The following TMTC1 variants were observed in gnomAD, a reference collection of about 807,000 sequenced individuals.
TMTC1 encodes the protein protein O-mannosyl-transferase TMTC1.
TMTC1 carries 73 observed loss-of-function variants against 104.8 expected under a neutral mutation model. That is an observed-to-expected ratio of 0.70 (90% CI 0.58 to 0.85). TMTC1 has a LOEUF of 0.85. Among genes scored for constraint, TMTC1 ranks in the 40% least tolerant of loss-of-function variants. The pLI, the probability that TMTC1 is intolerant of heterozygous loss-of-function variation, is 0.00. For missense variants in TMTC1, 1,035 were observed against 1,096.1 expected, an observed-to-expected ratio of 0.94 and a Z score of 0.79; for synonymous variants, 434 against 428.7, an observed-to-expected ratio of 1.01 and a Z score of -0.15.
At chr12:29,582,442 C>T (rs1335579988) in intron 8 of TMTC1, among the ~76,000 whole-genome samples, 1 of 152,200 alleles carries the variant, frequency 6.6e-6, no homozygotes, top group African/African-American at 2.4e-5. Flanking sequence ...AAGGGGCAGG[C>T]ATGTGACTAA....
intron 5 of TMTC1, among the ~76,000 whole-genome samples, chr12:29,739,845 G>T (rs1249417945): frequency 6.6e-6 from 1 of 151,790 alleles, no homozygotes; most frequent in Non-Finnish European, 1.5e-5. Flanking sequence ...AATAGCTGCG[G>T]TTACAGGCAT....
chr12:29,536,650 T>C (rs7301491), intron 10 of TMTC1, among the ~76,000 whole-genome samples: 28,841 of 151,992 alleles, frequency 0.19, 3,122 homozygotes, highest in East Asian at 0.38. Context: ...GAGGAACAAT[T>C]TGGGGGAAAT....
At position 29,662,258 on chromosome 12, in the gene TMTC1, G is replaced by T. The variant is rs114933578; in HGVS notation, c.939-28922C>A. 3.5e-3 allele frequency among the ~76,000 whole-genome samples: 532 copies of T among 152,168 alleles called. 4 individuals are homozygous for T. Among genetic ancestry groups the T allele is most frequent in the African/African-American group, 0.012 (514 of 41,504 alleles). ...AAATTTGCATTAAAATCTGCATGAG[G>T]TCTCTTTACACAAAGGTAATGTTCT... On this transcript the variant is annotated intron_variant, in intron 5 of 17. Transcript: ENST00000539277.
At chr12:29,536,091 T>C (rs1215092689) in intron 11 of TMTC1, 118 bp downstream of exon 11, 8 of 710,470 alleles carry the variant, frequency 1.1e-5, no homozygotes, top group African/African-American at 1.8e-5. Context: ...GAAACTGACA[T>C]AGAGATTGGT....
intron 5 of TMTC1, among the ~76,000 whole-genome samples, chr12:29,719,482 T>A (rs1403160542): frequency 6.6e-6 from 1 of 152,210 alleles, no homozygotes; most frequent in Admixed American, 6.5e-5. Context: ...GGCTGGTTTG[T>A]GATTATACAT....
At position 29,506,868 on chromosome 12, in the gene TMTC1, ACTT is replaced by A; in HGVS notation, c.2624_2626del (p.Glu875del). 6.2e-7 allele frequency: 1 copy of A among 1,613,964 alleles called. No homozygotes were observed. The highest frequency in any genetic ancestry group is 8.5e-7 in the Non-Finnish European group (1 of 1,179,940). ...GTGCTATGTTTGATCCTTTTCTCGA[ACTT>A]CTTGTAATCGTTTTTCTAGGCGATC... On this transcript the variant is annotated inframe_deletion, in exon 18 of 18. Transcript: ENST00000539277.
intron 6 of TMTC1, among the ~76,000 whole-genome samples, chr12:29,604,813 GGAGA>G (rs1435942328): frequency 6.6e-6 from 1 of 152,180 alleles, no homozygotes; most frequent in African/African-American, 2.4e-5. Flanking sequence ...GGATGCCAAT[GGAGA>G]GAGAATCATT....
chr12:29,613,681 A>G (rs1447590495), intron 6 of TMTC1, among the ~76,000 whole-genome samples: 1 of 152,236 alleles, frequency 6.6e-6, no homozygotes, highest in African/African-American at 2.4e-5. Flanking sequence ...GAAATGGAAG[A>G]AAAAAGGAAA....
At chr12:29,598,959 T>C (rs1946483184) in intron 7 of TMTC1, among the ~76,000 whole-genome samples, 1 of 152,228 alleles carries the variant, frequency 6.6e-6, no homozygotes, top group Admixed American at 6.5e-5. Context: ...TCCCAAAATA[T>C]TGTTTCTGCC....
intron 11 of TMTC1, among the ~76,000 whole-genome samples, chr12:29,527,031 A>C (rs1944367593): frequency 6.6e-6 from 1 of 152,218 alleles, no homozygotes; most frequent in Admixed American, 6.5e-5. Flanking sequence ...AGGCCTCTGC[A>C]GAGTGTCTCA....
chr12:29,662,337 A>T (rs1940068689), intron 5 of TMTC1, among the ~76,000 whole-genome samples: 2 of 152,172 alleles, frequency 1.3e-5, no homozygotes, highest in South Asian at 4.2e-4. Context: ...TCTCACAAAG[A>T]AATGTCTATC....
intron 7 of TMTC1, among the ~76,000 whole-genome samples, chr12:29,592,453 A>G (rs2136358831): frequency 6.6e-6 from 1 of 152,258 alleles, no homozygotes; most frequent in East Asian, 1.9e-4. Flanking sequence ...AGGATTCTTT[A>G]TATATATTTC....
rs898621340 is a variant in TMTC1, at chr12:29,759,947, C to T, written c.481-1170G>A. Among the ~76,000 whole-genome samples, 4 of 152,146 alleles carry T rather than the reference C, an allele frequency of 2.6e-5. No homozygotes were observed. In the South Asian group the frequency reaches 8.3e-4, roughly 32 times the overall value. ...ATAAATACAGCTATGCATTCAATAACAACTTTCAGGTCAACAACGAGCCAC... is the reference window on the plus strand; with the variant it reads ...ATAAATACAGCTATGCATTCAATAATAACTTTCAGGTCAACAACGAGCCAC... On this transcript the variant is annotated intron_variant, in intron 2 of 17. Coordinates refer to ENST00000539277, the MANE Select transcript of TMTC1 (RefSeq NM_001193451.2).
intron 11 of TMTC1, among the ~76,000 whole-genome samples, chr12:29,525,578 A>G (rs556206053): frequency 6.8e-5 from 10 of 146,396 alleles, no homozygotes; most frequent in Non-Finnish European, 1.4e-4. Context: ...ACTGATCATG[A>G]AAAGCCTTTT....
chr12:29,501,286 T>G lies in TMTC1; in HGVS notation c.*5560A>C, dbSNP rs1484714446. 2 of 152,224 alleles carry G rather than the reference T, an allele frequency of 1.3e-5. No homozygotes were observed. The highest frequency in any genetic ancestry group is 2.4e-5 in the African/African-American group (1 of 41,466). The allele number at this position is 152,224 out of a possible 1,614,324, so 9.4% of individuals were successfully genotyped here. On this transcript the variant is annotated 3_prime_UTR_variant, in exon 18 of 18. Transcript: ENST00000539277. Reference sequence around the variant, plus strand: ...TCAAGCACTTGGGCAATTCAGTCACTTTTAGGGTTGTATCATTTAAAAAAG... The same window carrying G: ...TCAAGCACTTGGGCAATTCAGTCACGTTTAGGGTTGTATCATTTAAAAAAG...
intron 3 of TMTC1, among the ~76,000 whole-genome samples, chr12:29,757,698 T>C (rs979605023): frequency 6.6e-6 from 1 of 152,130 alleles, no homozygotes; most frequent in Admixed American, 6.5e-5. Context: ...ACTGGGCCAC[T>C]TACAAAAGAA....
intron 7 of TMTC1, among the ~76,000 whole-genome samples, chr12:29,584,694 G>GT (rs751070819): frequency 2.6e-5 from 4 of 151,794 alleles, no homozygotes; most frequent in African/African-American, 9.7e-5. Context: ...GCGGTGTTTG[G>GT]TTTTTTGTCC....
At chr12:29,659,742 A>C (rs2136637255) in intron 5 of TMTC1, 1 of 620,578 alleles carries the variant, frequency 1.6e-6, no homozygotes, top group East Asian at 2.8e-5. Flanking sequence ...TATTGGAAAC[A>C]ATTTCAAATG....
intron 2 of TMTC1, among the ~76,000 whole-genome samples, chr12:29,766,522 T>C (rs1366391832): frequency 6.6e-6 from 1 of 152,168 alleles, no homozygotes; most frequent in Non-Finnish European, 1.5e-5. Context: ...GATGCCTTAA[T>C]TGGAGAATGC....
Sources: gnomAD v4.1 joint callset for allele counts (sites outside exome capture counted in the v4.1 genomes callset) on GRCh38, gnomAD v4.1.1 for gene constraint, MANE v1.5 for transcripts, NCBI Gene and HGNC (gene_info 2026-07-23, HGNC 2026-07-21) for gene names.